NEK6: variants seen among roughly 807,000 people sequenced by gnomAD.
NEK6 encodes the protein NIMA related kinase 6, also known as serine/threonine-protein kinase Nek6.
NEK6 carries 27 observed loss-of-function variants against 43.5 expected under a neutral mutation model. The ratio of observed to expected loss-of-function variants is 0.62; its 90% CI spans 0.46 to 0.86. NEK6 has a LOEUF of 0.86. Ranked by LOEUF, NEK6 falls within the 40% of genes least tolerant of loss-of-function variation. NEK6 has a pLI of 0.00. For missense variants in NEK6, 318 were observed against 414.4 expected (o/e 0.77, Z 2.02); for synonymous variants, 167 against 164.1 (o/e 1.02, Z -0.14).
chr9:124,301,830 G>C, intron 1 of NEK6, 106 bp from the exon 2 acceptor site: 2 of 913,972 alleles, frequency 2.2e-6, no homozygotes, highest in Non-Finnish European at 3.4e-6. Flanking sequence ...TTACTGAACG[G>C]CTTTGCACCT....
intron 1 of NEK6, among the ~76,000 whole-genome samples, chr9:124,267,176 C>G (rs1831264392): frequency 6.6e-6 from 1 of 152,212 alleles, no homozygotes; most frequent in Admixed American, 6.5e-5. Flanking sequence ...TGAGCAGGAC[C>G]CCAGATTACA....
chr9:124,293,020 G>A (rs1420773689), intron 1 of NEK6: 1 of 1,530,904 alleles, frequency 6.5e-7, no homozygotes, highest in Non-Finnish European at 8.8e-7. Flanking sequence ...CGAGGTGAGA[G>A]CAAGATCATT....
Position 124,352,987 on chromosome 9 carries a change from A to T in NEK6, c.*2040A>T, listed in dbSNP as rs1830338441. The T allele has an allele frequency of 6.5e-6, 1 of 152,738 alleles. No homozygotes were observed. The highest frequency in any genetic ancestry group is 2.1e-4 in the South Asian group (1 of 4,862). The allele number at this position is 152,738 out of a possible 1,614,324, so 9.5% of individuals were successfully genotyped here. On this transcript the variant is annotated 3_prime_UTR_variant, in exon 10 of 10. Coordinates refer to ENST00000320246, the MANE Select transcript of NEK6 (RefSeq NM_014397.6). ...TTTGTGAAATGATCATGTCCTACTT[A>T]TTACAAAACCGTAACCCCAAAACAT...
chr9:124,350,663 C>T (rs918917509), intron 9 of NEK6, among the ~76,000 whole-genome samples, 174 bp from the exon 10 acceptor site: 7 of 152,232 alleles, frequency 4.6e-5, no homozygotes, highest in Admixed American at 2.6e-4. Context: ...GGGAGCCATG[C>T]GGCTGCGCAC....
chr9:124,308,434 C>G lies in NEK6; in HGVS notation c.91-4075C>G, dbSNP rs146979010. Among the ~76,000 whole-genome samples the G allele has an allele frequency of 8.0e-3, 1,218 of 152,208 alleles. 14 individuals carry two copies. The highest frequency in any genetic ancestry group is 0.031 in the South Asian group (148 of 4,824). On this transcript the variant is annotated intron_variant, in intron 2 of 9. Transcript: ENST00000320246. ...TGGGAGGCCGAGGCAGGTGGATCACCTGAGGTCAGGTGTTCAAGACCAGCC... is the reference window on the plus strand; with the variant it reads ...TGGGAGGCCGAGGCAGGTGGATCACGTGAGGTCAGGTGTTCAAGACCAGCC...
At chr9:124,304,747 G>T (rs1390865121) in intron 2 of NEK6, among the ~76,000 whole-genome samples, 1 of 152,154 alleles carries the variant, frequency 6.6e-6, no homozygotes. Flanking sequence ...TTCATTTCAG[G>T]AAGCTTTCTA....
At chr9:124,303,917 G>A (rs1483587523) in intron 2 of NEK6, among the ~76,000 whole-genome samples, 2 of 152,284 alleles carry the variant, frequency 1.3e-5, no homozygotes, top group African/African-American at 4.8e-5. Context: ...TCATTTGGCA[G>A]AGGAGAGGGC....
Position 124,312,561 on chromosome 9 carries a change from A to G in NEK6, c.143A>G (p.Glu48Gly). 1 of 1,614,194 alleles carries G rather than the reference A, an allele frequency of 6.2e-7. No homozygotes were observed. Among genetic ancestry groups the G allele is most frequent in the African/African-American group, 1.3e-5 (1 of 75,056 alleles). Residue 48 changes from glutamate to glycine, a missense_variant, in exon 3 of 10, where the codon GAA becomes GGA. Physicochemically the swap from Glu to Gly is moderately conservative, Grantham distance 98. This residue lies in a region of NEK6 where 239 missense variants were observed against 344.4 expected (regional missense o/e 0.69). Coordinates refer to ENST00000320246, the MANE Select transcript of NEK6 (RefSeq NM_014397.6). ...FRCSLADFQI[E>G]KKIGRGQFSE... Reference sequence around the variant, plus strand: ...TGCTCGCTGGCGGACTTCCAGATCGAAAAGAAGATAGGCCGAGGACAGTTC... The same window carrying G: ...TGCTCGCTGGCGGACTTCCAGATCGGAAAGAAGATAGGCCGAGGACAGTTC...
At chr9:124,290,184 G>A (rs912478219) in intron 1 of NEK6, among the ~76,000 whole-genome samples, 20 of 152,236 alleles carry the variant, frequency 1.3e-4, no homozygotes, top group African/African-American at 2.4e-4. Flanking sequence ...GATGCTGGGG[G>A]CTCACGGTGA....
rs1830259695 is a variant in NEK6, at chr9:124,351,247, T to C, written c.*300T>C. 3 of 304,736 alleles carry C rather than the reference T, an allele frequency of 9.8e-6. No homozygotes were observed. Among genetic ancestry groups the C allele is most frequent in the South Asian group, 4.0e-5 (1 of 24,944 alleles). 18.9% of individuals were successfully genotyped at this position (304,736 alleles called of 1,614,324 possible). On this transcript the variant is annotated 3_prime_UTR_variant, in exon 10 of 10. Transcript: ENST00000320246. ...GCCACGGCAGCCCCCTGTATCTGGATTGTAATGTGAATCTTTAGGGTAATT... is the reference window on the plus strand; with the variant it reads ...GCCACGGCAGCCCCCTGTATCTGGACTGTAATGTGAATCTTTAGGGTAATT...
Position 124,271,972 on chromosome 9 carries a change from G to C in NEK6, c.-30+13887G>C, listed in dbSNP as rs367675659. Among the ~76,000 whole-genome samples, 25 of 152,378 alleles carry C rather than the reference G, an allele frequency of 1.6e-4. 1 individual carries two copies. In the South Asian group the frequency reaches 3.1e-3, roughly 19 times the overall value. ...GAGCCACACCCACCTTGTGCTCCCC[G>C]TGTCTCCTGGGCTTGTTACCGCCCA... On this transcript the variant is annotated intron_variant, in intron 1 of 9. Transcript: ENST00000320246.
intron 5 of NEK6, among the ~76,000 whole-genome samples, chr9:124,322,027 A>G (rs186029420): frequency 3.3e-5 from 5 of 152,226 alleles, no homozygotes; most frequent in African/African-American, 9.6e-5. Context: ...AGCATCTTGT[A>G]GATCCACTAC....
intron 4 of NEK6, among the ~76,000 whole-genome samples, chr9:124,318,984 TTTATTTTTATTTTTA>T (rs1368830147): frequency 6.6e-6 from 1 of 151,658 alleles, no homozygotes; most frequent in African/African-American, 2.4e-5. Context: ...TTACTTATTT[TTTATTTTTATTTTTA>T]TTATTTTTAG....
chr9:124,298,814 A>G (rs890328539), intron 1 of NEK6, among the ~76,000 whole-genome samples: 5 of 152,172 alleles, frequency 3.3e-5, no homozygotes, highest in African/African-American at 9.7e-5. Flanking sequence ...ACCTTACCTC[A>G]TGGAGTTGTT....
rs1383158115 is a variant in NEK6 at position 124,319,632 on chromosome 9, A to G, written c.295-1827A>G. ...ATCAATCTTGATTTAATTTTTACAC[A>G]TGGTGAAAAGTAGGGGTTCCGTTTC... is the stretch of plus-strand genomic sequence containing the variant. On this transcript the variant is annotated intron_variant, in intron 4 of 9. Coordinates refer to ENST00000320246, the MANE Select transcript of NEK6 (RefSeq NM_014397.6). Among the ~76,000 whole-genome samples the G allele has an allele frequency of 3.3e-5, 5 of 152,232 alleles. No homozygotes were observed. In the South Asian group the frequency reaches 6.2e-4, roughly 19 times the overall value.
chr9:124,285,853 T>A (rs1041284791), intron 1 of NEK6, among the ~76,000 whole-genome samples: 5 of 152,128 alleles, frequency 3.3e-5, no homozygotes, highest in African/African-American at 1.2e-4. Context: ...TCCCCTTCTG[T>A]AAAACGGAGA....
intron 1 of NEK6, among the ~76,000 whole-genome samples, chr9:124,301,412 C>T (rs938375334): frequency 6.6e-6 from 1 of 152,196 alleles, no homozygotes; most frequent in East Asian, 1.9e-4. Context: ...CCTGGCCTTC[C>T]CTGTGTCACA....
chr9:124,264,570 C>T (rs1473615422), intron 1 of NEK6, among the ~76,000 whole-genome samples: 1 of 152,050 alleles, frequency 6.6e-6, no homozygotes, highest in Non-Finnish European at 1.5e-5. Context: ...TTTGAGAGGC[C>T]GAGGCGGGCA....
In NEK6 at chr9:124,342,019, G is replaced by T. The variant is rs1034062127; in HGVS notation, c.717+2354G>T. Among the ~76,000 whole-genome samples the T allele has an allele frequency of 3.9e-5, 6 of 152,296 alleles. No homozygotes were observed. The East Asian group carries it at 5.8e-4, about 15-fold the overall frequency. ...GCTGCTGGTGTGTGTCCCCCAGGAGGAGTCGTGAGTTCCAGTCTCTCCAGG... is the reference window on the plus strand; with the variant it reads ...GCTGCTGGTGTGTGTCCCCCAGGAGTAGTCGTGAGTTCCAGTCTCTCCAGG... On this transcript the variant is annotated intron_variant, in intron 8 of 9. Coordinates refer to ENST00000320246, the MANE Select transcript of NEK6 (RefSeq NM_014397.6).
Sources: allele counts gnomAD v4.1 joint callset (sites outside exome capture counted in the v4.1 genomes callset), GRCh38; gene constraint gnomAD v4.1.1; regional missense constraint gnomAD v4.1.1; transcripts MANE v1.5; gene names NCBI Gene and HGNC (gene_info 2026-07-23, HGNC 2026-07-21).